MAP3K19: variants seen among roughly 807,000 people sequenced by gnomAD.
The protein encoded by MAP3K19 is SPS1/STE20-related protein kinase YSK4.
In MAP3K19, 91 loss-of-function variants were observed where a neutral mutation model predicts 114.4. That is an observed-to-expected ratio of 0.80 (90% CI 0.67 to 0.95). The LOEUF is 0.95. MAP3K19 is among the 40% of genes least tolerant of loss of function. The pLI, the probability that MAP3K19 is intolerant of heterozygous loss-of-function variation, is 0.00. For missense variants in MAP3K19, 1,471 were observed against 1,573.2 expected (o/e 0.94, Z 1.10); for synonymous variants, 518 against 530.5 (o/e 0.98, Z 0.32).
chr2:134,988,169 CT>C lies in MAP3K19; in HGVS notation c.702del (p.Glu235LysfsTer34). ...GATGTGAGACTTGGAATGTTTCTTT[CT>C]TTTTCTTTTGGAAACTTGTGATTTT... ...IPQNHKFPKEKERNIPSLTSF... is the reference protein window; with the variant it reads ...IPQNHKFPKEXERNIPSLTSF... On this transcript the variant is annotated frameshift_variant, in exon 10 of 13. Transcript: ENST00000392915. LOFTEE classifies it high-confidence loss of function. 3 of 1,612,858 alleles carry C rather than the reference CT, an allele frequency of 1.9e-6. No individual in the cohort carries two copies. The highest frequency in any genetic ancestry group is 2.5e-6 in the Non-Finnish European group (3 of 1,179,656).
chr2:134,973,406 A>C (rs1684008735), intron 12 of MAP3K19, among the ~76,000 whole-genome samples: 1 of 152,132 alleles, frequency 6.6e-6, no homozygotes, highest in African/African-American at 2.4e-5. Flanking sequence ...TTTGACATAA[A>C]GTGTGTTTTA....
chr2:134,988,755 A>G (rs562864228), intron 9 of MAP3K19, among the ~76,000 whole-genome samples: 1 of 152,160 alleles, frequency 6.6e-6, no homozygotes, highest in South Asian at 2.1e-4. Flanking sequence ...TTAAAACAAC[A>G]CGTTTTAAAA....
At chr2:135,019,676 CT>C (rs149549356) in intron 5 of MAP3K19, among the ~76,000 whole-genome samples, 6,352 of 148,598 alleles carry the variant, frequency 0.043, 161 homozygotes, top group African/African-American at 0.056. Context: ...ATTTTTTGGA[CT>C]TTTTTTTTTA....
chr2:134,975,552 A>G (rs748679651), intron 12 of MAP3K19, among the ~76,000 whole-genome samples: 57 of 152,090 alleles, frequency 3.7e-4, no homozygotes, highest in Non-Finnish European at 4.6e-4. Context: ...GGGCCCTGGC[A>G]TGATGATTGG....
chr2:134,966,306 T>TG (rs972749905), intron 12 of MAP3K19, among the ~76,000 whole-genome samples: 1 of 152,184 alleles, frequency 6.6e-6, no homozygotes, highest in African/African-American at 2.4e-5. Flanking sequence ...GGGGTTTTTT[T>TG]GAGAAATCTC....
intron 5 of MAP3K19, among the ~76,000 whole-genome samples, chr2:135,015,993 A>G (rs1687564235): frequency 6.6e-6 from 1 of 152,122 alleles, no homozygotes; most frequent in Admixed American, 6.5e-5. Context: ...GCTCACATCT[A>G]TAATTCCAGC....
rs1250282003 is a variant in MAP3K19 at position 134,964,536 on chromosome 2, GA to G, written c.*313del. The G allele has an allele frequency of 5.4e-6, 1 of 185,242 alleles. No homozygotes were observed. Among genetic ancestry groups the G allele is most frequent in the Non-Finnish European group, 1.1e-5 (1 of 89,736 alleles). The allele number at this position is 185,242 out of a possible 1,614,324, so 11.5% of individuals were successfully genotyped here. Reference sequence around the variant, plus strand: ...AAACTAACAACATTAAAATTGACAGGACAGGCCAAAAATAAAAAGAAATGTC... The same window carrying G: ...AAACTAACAACATTAAAATTGACAGGCAGGCCAAAAATAAAAAGAAATGTC... On this transcript the variant is annotated 3_prime_UTR_variant, in exon 13 of 13. Transcript: ENST00000392915.
intron 2 of MAP3K19, among the ~76,000 whole-genome samples, chr2:135,032,604 A>T (rs115114209): frequency 0.047 from 7,150 of 150,872 alleles, 546 homozygotes; most frequent in African/African-American, 0.16. Flanking sequence ...AATTTAATTT[A>T]ATTTTATTTT....
intron 3 of MAP3K19, 69 bp from the exon 4 acceptor site, chr2:135,024,810 G>T (rs1688192309): frequency 1.6e-6 from 1 of 609,636 alleles, no homozygotes; most frequent in Non-Finnish European, 2.9e-6. Context: ...ACTAATATGA[G>T]AGGGAAACAT....
chr2:134,995,035 G>A (rs1307178915), intron 8 of MAP3K19, among the ~76,000 whole-genome samples: 1 of 152,172 alleles, frequency 6.6e-6, no homozygotes, highest in Non-Finnish European at 1.5e-5. Flanking sequence ...AAGGAAGCCA[G>A]GCAAGGTGGC....
chr2:135,009,016 A>G (rs1276768786), intron 5 of MAP3K19, among the ~76,000 whole-genome samples: 1 of 151,940 alleles, frequency 6.6e-6, no homozygotes, highest in Non-Finnish European at 1.5e-5. Flanking sequence ...CTGTGGTGCA[A>G]TCTCGGCTCA....
In MAP3K19 at chr2:135,023,463, ACCGGT is replaced by A. The variant is rs772010977; in HGVS notation, c.22+1158_22+1162del. ...AGAGAACTCCCAAACTAACCTTTCA[ACCGGT>A]CCTTTCCCACAAGCCCAGTCCTACA... On this transcript the variant is annotated intron_variant, in intron 4 of 12. Coordinates refer to ENST00000392915, the MANE Select transcript of MAP3K19 (RefSeq NM_025052.5). 7 of 533,084 alleles carry A rather than the reference ACCGGT, an allele frequency of 1.3e-5. No individual in the cohort carries two copies. The East Asian group carries it at 3.8e-4, about 29-fold the overall frequency. The allele number at this position is 533,084 out of a possible 1,614,324, so 33.0% of individuals were successfully genotyped here.
intron 12 of MAP3K19, among the ~76,000 whole-genome samples, chr2:134,979,660 T>TTTTTC (rs1684489638): frequency 6.6e-6 from 1 of 150,808 alleles, no homozygotes; most frequent in Admixed American, 6.6e-5. Context: ...TTTTTTTTTT[T>TTTTTC]TGGAGAGGGT....
In MAP3K19 at chr2:134,985,817, T is replaced by C. The variant is rs2105222240; in HGVS notation, c.3055A>G (p.Thr1019Ala). The C allele has an allele frequency of 4.4e-6, 7 of 1,603,646 alleles. No homozygotes were observed. The highest frequency in any genetic ancestry group is 6.0e-6 in the Non-Finnish European group (7 of 1,175,912). ...STPKEMGRET[T>A]KVKIQRHSSG... ...ATACCAACCTGTATTTTGACTTTTG[T>C]TGTCTCTCTGCCCATTTCTTTTGGG... The change falls in exon 10 of 13, where the codon ACA becomes GCA. Residue 1019 changes from threonine (T) to alanine (A), a missense_variant. Thr to Ala is a moderately conservative substitution (Grantham distance 58). Coordinates refer to ENST00000392915, the MANE Select transcript of MAP3K19 (RefSeq NM_025052.5).
chr2:135,013,338 GAAGAAC>G (rs1364816840), intron 5 of MAP3K19, among the ~76,000 whole-genome samples: 68 of 151,336 alleles, frequency 4.5e-4, no homozygotes, highest in African/African-American at 1.6e-3. Context: ...AGAAGAAGAA[GAAGAAC>G]AAGGTATAGG....
At chr2:135,021,591 C>A in intron 5 of MAP3K19, 124 bp downstream of exon 5, 1 of 596,240 alleles carries the variant, frequency 1.7e-6, no homozygotes, top group Non-Finnish European at 2.9e-6. Flanking sequence ...ACCAAATATG[C>A]TTTTTTATGA....
intron 8 of MAP3K19, among the ~76,000 whole-genome samples, chr2:134,992,628 A>AT (rs1685664473): frequency 6.6e-6 from 1 of 152,058 alleles, no homozygotes; most frequent in South Asian, 2.1e-4. Context: ...ACCCAGATAG[A>AT]TAGTCCAGCC....
In MAP3K19 at chr2:134,987,484, T is replaced by C. The variant is rs757525374; in HGVS notation, c.1388A>G (p.Glu463Gly). The change falls in exon 10 of 13, where the codon GAG (glutamate) becomes GGG (glycine). Residue 463 changes from glutamate (E) to glycine (G), a missense_variant. Transcript: ENST00000392915. Reference protein sequence around the residue: ...DKLPEGCSSMETNIKISIAER... With the variant: ...DKLPEGCSSMGTNIKISIAER... Reference sequence around the variant, plus strand: ...TGCTATTGATATTTTTATGTTTGTCTCCATGCTGCTACAACCTTCTGGGAG... The same window carrying C: ...TGCTATTGATATTTTTATGTTTGTCCCCATGCTGCTACAACCTTCTGGGAG... 3.1e-6 allele frequency: 5 copies of C among 1,614,212 alleles called. No homozygotes were observed. In the Admixed American group the frequency reaches 8.3e-5, roughly 27 times the overall value.
Position 135,035,096 on chromosome 2 carries a change from A to T in MAP3K19, c.-283-4596T>A, listed in dbSNP as rs368177102. Among the ~76,000 whole-genome samples the T allele has an allele frequency of 2.2e-4, 33 of 151,684 alleles. No homozygotes were observed. The South Asian group carries it at 5.8e-3, about 27-fold the overall frequency. Reference sequence around the variant, plus strand: ...ATGATTCCATTCATATGAAAATCCCAAATAAGAAAAGTTACAGAGGCCAAG... The same window carrying T: ...ATGATTCCATTCATATGAAAATCCCTAATAAGAAAAGTTACAGAGGCCAAG... On this transcript the variant is annotated intron_variant, in intron 2 of 12. Transcript: ENST00000392915.
Sources: allele counts gnomAD v4.1 joint callset (sites outside exome capture counted in the v4.1 genomes callset), GRCh38; gene constraint gnomAD v4.1.1; transcripts MANE v1.5; gene names NCBI Gene and HGNC (gene_info 2026-07-23, HGNC 2026-07-21).